Variants in AMT observed in about 807,000 individuals in gnomAD.
AMT encodes aminomethyltransferase, also known as aminomethyltransferase, mitochondrial.
A neutral mutation model predicts 39.5 loss-of-function variants in AMT; 24 were observed. The ratio of observed to expected loss-of-function variants is 0.61; its 90% CI spans 0.44 to 0.86. AMT has a LOEUF of 0.86. Among genes scored for constraint, AMT ranks in the 40% least tolerant of loss-of-function variants. AMT has a pLI of 0.00. For synonymous variants in AMT, 210 were observed against 212.1 expected (o/e 0.99, Z 0.09); for missense variants, 501 against 537.0 (o/e 0.93, Z 0.66).
In AMT at chr3:49,416,897, ACAG is replaced by A; in HGVS notation, c.*640_*642del. The A allele has an allele frequency of 2.2e-6, 1 of 458,162 alleles. No individual in the cohort carries two copies. The highest frequency in any genetic ancestry group is 4.4e-6 in the Non-Finnish European group (1 of 229,772). The allele number at this position is 458,162 out of a possible 1,614,324, so 28.4% of individuals were successfully genotyped here. Reference sequence around the variant, plus strand: ...TCTGGGAGGAAGCCCACCCTGCCCTACAGCAGCCCTGGAACTCAGAATAGGTGG... The same window carrying A: ...TCTGGGAGGAAGCCCACCCTGCCCTACAGCCCTGGAACTCAGAATAGGTGG... On this transcript the variant is annotated 3_prime_UTR_variant, in exon 9 of 9. Transcript: ENST00000273588.
chr3:49,417,979 GA>G lies in AMT; in HGVS notation c.878-7del, dbSNP rs774367002. On this transcript the variant is annotated splice_polypyrimidine_tract_variant and splice_region_variant and intron_variant, in intron 7 of 8. Coordinates refer to ENST00000273588, the MANE Select transcript of AMT (RefSeq NM_000481.4). ...AGCAGCTCGGCGGCGCTTCCCTGGA[GA>G]ATGACACATGAGACATAAGCCACAG... The G allele has an allele frequency of 1.9e-6, 3 of 1,605,102 alleles. No homozygotes were observed. The South Asian group carries it at 3.3e-5, about 18-fold the overall frequency.
chr3:49,419,138 A>G lies in AMT; in HGVS notation c.710T>C (p.Val237Ala). Reference sequence around the variant, plus strand: ...TGTTGCCAGGTGAACTGCCCCCGCTACCGGCACCGAGATCTGTATGAAACA... The same window carrying G: ...TGTTGCCAGGTGAACTGCCCCCGCTGCCGGCACCGAGATCTGTATGAAACA... ...GEDGVEISVPVAGAVHLATAI... is the reference protein window; with the variant it reads ...GEDGVEISVPAAGAVHLATAI... Residue 237 changes from valine (V) to alanine (A), a missense_variant, in exon 7 of 9, where the codon GTA (valine) becomes GCA (alanine). By Grantham distance (64) the Val-to-Ala change is moderately conservative. Coordinates refer to ENST00000273588, the MANE Select transcript of AMT (RefSeq NM_000481.4). 2 of 1,613,738 alleles carry G rather than the reference A, an allele frequency of 1.2e-6. No individual in the cohort carries two copies. The highest frequency in any genetic ancestry group is 1.7e-6 in the Non-Finnish European group (2 of 1,179,888).
chr3:49,419,624 ATTC>A, intron 5 of AMT, 83 bp downstream of exon 5: 5 of 1,489,972 alleles, frequency 3.4e-6, no homozygotes, highest in Non-Finnish European at 4.7e-6. Flanking sequence ...CCTTCCACAC[ATTC>A]TTCTTGGTAT....
chr3:49,419,962 G>T, intron 4 of AMT, 174 bp from the exon 5 acceptor site: 1 of 805,368 alleles, frequency 1.2e-6, no homozygotes. Context: ...CTAAGTGATA[G>T]AGATGACCCA....
chr3:49,417,786 C>T (rs1559527648), intron 8 of AMT, 32 bp downstream of exon 8: 1 of 1,614,032 alleles, frequency 6.2e-7, no homozygotes, highest in Non-Finnish European at 8.5e-7. Flanking sequence ...TGGGAAGAGA[C>T]AAGGGTTTCC....
At chr3:49,421,965 C>T in intron 2 of AMT, 139 bp downstream of exon 2, 1 of 1,222,056 alleles carries the variant, frequency 8.2e-7, no homozygotes, top group Middle Eastern at 1.9e-4. Context: ...TTGACCTATC[C>T]ATGACACCCC....
chr3:49,421,928 C>A lies in AMT; in HGVS notation c.258+176G>T, dbSNP rs79393339. The A allele has an allele frequency of 1.1e-3, 981 of 879,866 alleles. 3 individuals carry two copies. Among genetic ancestry groups the A allele is most frequent in the Middle Eastern group, 2.8e-3 (13 of 4,700 alleles). The allele number at this position is 879,866 out of a possible 1,614,324, so 54.5% of individuals were successfully genotyped here. A position where few individuals can be genotyped will look rare whatever the true frequency, so the allele number is the denominator to read the frequency against. Reference sequence around the variant, plus strand: ...AAGCTAGAAGGATGAGATGATGAGACCCTCTGAGCTCATTTCCTTGGGGCC... The same window carrying A: ...AAGCTAGAAGGATGAGATGATGAGAACCTCTGAGCTCATTTCCTTGGGGCC... On this transcript the variant is annotated intron_variant, in intron 2 of 8. Coordinates refer to ENST00000273588, the MANE Select transcript of AMT (RefSeq NM_000481.4).
chr3:49,420,448 C>A, intron 3 of AMT, 106 bp from the exon 4 acceptor site: 1 of 1,555,788 alleles, frequency 6.4e-7, no homozygotes, highest in South Asian at 1.1e-5. Context: ...GTTATGAACC[C>A]TAATGTGAAG....
At position 49,419,281 on chromosome 3, in the gene AMT, G is replaced by A; in HGVS notation, c.675C>T (p.Tyr225=). The A allele has an allele frequency of 1.9e-6, 3 of 1,614,106 alleles. No individual in the cohort carries two copies. Among genetic ancestry groups the A allele is most frequent in the Non-Finnish European group, 2.5e-6 (3 of 1,180,036 alleles). Residue 225 remains tyrosine (Y), a synonymous_variant, in exon 6 of 9, where the codon TAC becomes TAT. Coordinates refer to ENST00000273588, the MANE Select transcript of AMT (RefSeq NM_000481.4). ...ACACCTCCACACCATCCTCTCCTGT[G>A]TAGCCACAGCGGGTCACGCGGCAGC... ...VSGCRVTRCG[Y]TGEDGVEISV... is the part of the protein sequence containing the mutation.
intron 8 of AMT, 22 bp from the exon 9 acceptor site, chr3:49,417,740 C>T (rs772738913): frequency 1.7e-5 from 28 of 1,613,784 alleles, no homozygotes; most frequent in Middle Eastern, 1.6e-4. Context: ...GCATAAGCCA[C>T]GCATCAGCAC....
intron 4 of AMT, 87 bp downstream of exon 4, chr3:49,420,124 T>A (rs1437894719): frequency 2.2e-5 from 35 of 1,575,642 alleles, no homozygotes; most frequent in Non-Finnish European, 3.0e-5. Context: ...TCCAGGTCCC[T>A]TGTCTGTGCC....
rs375033103 is a variant in AMT, at chr3:49,421,585, T to C, written c.259-13A>G. On this transcript the variant is annotated splice_polypyrimidine_tract_variant and intron_variant, in intron 2 of 8. Transcript: ENST00000273588. ...CAAGTATCTTGGTCTGGGGAAGAGA[T>C]TGAAAGCCTCAGGCCATTGCAACAG... 5.0e-6 allele frequency: 8 copies of C among 1,612,352 alleles called. No individual in the cohort carries two copies. The highest frequency in any genetic ancestry group is 2.2e-5 in the East Asian group (1 of 44,874).
In AMT at chr3:49,417,712, A is replaced by G. The variant is rs1457200551; in HGVS notation, c.1040T>C (p.Val347Ala). ...LNMEGTKIGTVTSGCPSPSLK... is the reference protein window; with the variant it reads ...LNMEGTKIGTATSGCPSPSLK... ...AGAGGGGGAGGGGCAGCCACTAGTCACAGTACCTGTCAAGCAAGCATAAGC... is the reference window on the plus strand; with the variant it reads ...AGAGGGGGAGGGGCAGCCACTAGTCGCAGTACCTGTCAAGCAAGCATAAGC... The change falls in exon 9 of 9, where the codon GTG becomes GCG. Residue 347 changes from valine (V) to alanine (A), a missense_variant. Physicochemically the swap from Val to Ala is moderately conservative, Grantham distance 64 (BLOSUM62 0). Coordinates refer to ENST00000273588, the MANE Select transcript of AMT (RefSeq NM_000481.4). The G allele has an allele frequency of 6.2e-7, 1 of 1,613,928 alleles. No individual in the cohort carries two copies. The highest frequency in any genetic ancestry group is 8.5e-7 in the Non-Finnish European group (1 of 1,180,014).
In AMT at chr3:49,417,421, A is replaced by G. The variant is rs1264855054; in HGVS notation, c.*119T>C. The G allele has an allele frequency of 7.4e-6, 12 of 1,611,510 alleles. No individual in the cohort carries two copies. The highest frequency in any genetic ancestry group is 9.3e-6 in the Non-Finnish European group (11 of 1,179,676). ...ATAGGTGGTGTGGCCCCTCAACCAG[A>G]CAATTAGAATCAGCCTCCACCTTAA... On this transcript the variant is annotated 3_prime_UTR_variant, in exon 9 of 9. Coordinates refer to ENST00000273588, the MANE Select transcript of AMT (RefSeq NM_000481.4).
rs145038290 is a variant in AMT, at chr3:49,421,862, T to C, written c.258+242A>G. On this transcript the variant is annotated intron_variant, in intron 2 of 8. Transcript: ENST00000273588. ...AATACATGAGAGTGGGTGTCAGCCC[T>C]GGAAAACCCGGGACATTAAGGCACA... 4.1e-3 allele frequency: 2,933 copies of C among 717,198 alleles called. 48 individuals are homozygous for C. The highest frequency in any genetic ancestry group is 0.032 in the African/African-American group (1,839 of 57,498). 44.4% of individuals were successfully genotyped at this position (717,198 alleles called of 1,614,324 possible). A position where few individuals can be genotyped will look rare whatever the true frequency, so the allele number is the denominator to read the frequency against.
intron 2 of AMT, 47 bp from the exon 3 acceptor site, chr3:49,421,619 C>T: frequency 6.5e-7 from 1 of 1,536,288 alleles, no homozygotes; most frequent in Non-Finnish European, 9.0e-7. Flanking sequence ...AGCTACAATC[C>T]AAAAGGCTAC....
intron 7 of AMT, chr3:49,418,494 CTTTTTTTTTTTTT>C (rs3049036): frequency 4.6e-5 from 3 of 64,664 alleles, no homozygotes; most frequent in South Asian, 1.1e-3. Flanking sequence ...TCTTCAGTTT[CTTTTTTTTTTTTT>C]TTTTTTTTTT....
chr3:49,421,995 G>T, intron 2 of AMT, 109 bp downstream of exon 2: 4 of 1,509,438 alleles, frequency 2.6e-6, no homozygotes, highest in Non-Finnish European at 3.6e-6. Flanking sequence ...TAGCTCTTCT[G>T]AGAAGGCTGT....
chr3:49,420,333 A>G lies in AMT; in HGVS notation c.349T>C (p.Ser117Pro). Residue 117 changes from serine to proline, a missense_variant, in exon 4 of 9, where the codon TCG becomes CCG. Physicochemically the swap from Ser to Pro is moderately conservative, Grantham distance 74. Transcript: ENST00000273588. ...AELRPNQGTL[S>P]LFTNEAGGIL... The stretch of plus-strand genomic sequence containing the variant: ...CCTCCAGCCTCGTTGGTAAACAGCG[A>G]CAGTGTCCCCTAGGACCAAAGTGGA... The G allele has an allele frequency of 6.2e-7, 1 of 1,614,164 alleles. No individual in the cohort carries two copies. The highest frequency in any genetic ancestry group is 8.5e-7 in the Non-Finnish European group (1 of 1,180,012).
Sources: gnomAD v4.1 joint callset for allele counts on GRCh38, gnomAD v4.1.1 for gene constraint, MANE v1.5 for transcripts, NCBI Gene and HGNC (gene_info 2026-07-23, HGNC 2026-07-21) for gene names.